AGO2: variants seen among roughly 807,000 people sequenced by gnomAD.
AGO2 encodes protein argonaute-2.
AGO2 carries 5 observed loss-of-function variants against 102.3 expected under a neutral mutation model. The ratio of observed to expected loss-of-function variants is 0.05; its 90% CI spans 0.03 to 0.10. The LOEUF is 0.10. Among genes scored for constraint, AGO2 ranks in the 10% least tolerant of loss-of-function variants. The probability of loss-of-function intolerance (pLI) is 1.00; values close to 1 mark genes in which losing one functional copy is unlikely to be tolerated. For synonymous variants in AGO2, 449 were observed against 473.1 expected (o/e 0.95, Z 0.66); for missense variants, 541 against 1,183.7 (o/e 0.46, Z 7.97).
In AGO2 at chr8:140,549,217, C is replaced by T. The variant is rs749083408; in HGVS notation, c.1485G>A (p.Ala495=). The change falls in exon 12 of 19, where the codon GCG becomes GCA. Residue 495 remains alanine (A), a synonymous_variant. Transcript: ENST00000220592. ...TGGGCTCCACGCTGTCCGCCCCCTG[C>T]GCGTATTTGCAGAAGCACGGCTGGC... The part of the protein sequence containing the change: ...IQGQPCFCKY[A]QGADSVEPMF... The T allele has an allele frequency of 3.5e-5, 57 of 1,613,526 alleles. No homozygotes were observed. Among genetic ancestry groups the T allele is most frequent in the South Asian group, 4.4e-5 (4 of 91,082 alleles).
At chr8:140,547,318 G>A (rs1293333137) in intron 13 of AGO2, 150 bp downstream of exon 13, 24 of 1,014,132 alleles carry the variant, frequency 2.4e-5, no homozygotes, top group Middle Eastern at 6.3e-4. Context: ...CCAGATCTAT[G>A]TCTGACATCT....
chr8:140,549,398 A>G (rs894469544), intron 11 of AGO2, 100 bp from the exon 12 acceptor site: 1 of 1,260,232 alleles, frequency 7.9e-7, no homozygotes, highest in African/African-American at 1.5e-5. Flanking sequence ...TACAAAGCCC[A>G]AAGCACTTTC....
At chr8:140,599,170 C>T (rs866876497) in intron 1 of AGO2, among the ~76,000 whole-genome samples, 6 of 152,324 alleles carry the variant, frequency 3.9e-5, no homozygotes, top group South Asian at 4.1e-4. Context: ...AAAGCAGAAT[C>T]GTCACCACAT....
chr8:140,562,344 C>A (rs886205989), intron 4 of AGO2, 109 bp downstream of exon 4: 13 of 1,364,894 alleles, frequency 9.5e-6, no homozygotes, highest in Middle Eastern at 5.4e-4. Flanking sequence ...TGACCACTCC[C>A]ACCCTGGATC....
At chr8:140,610,998 C>T (rs988651435) in intron 1 of AGO2, among the ~76,000 whole-genome samples, 9 of 152,218 alleles carry the variant, frequency 5.9e-5, no homozygotes, top group Admixed American at 1.3e-4. Flanking sequence ...AGTAGACACG[C>T]GCGCATGCAG....
intron 1 of AGO2, among the ~76,000 whole-genome samples, chr8:140,611,077 G>A (rs1471442384): frequency 2.0e-5 from 3 of 152,166 alleles, no homozygotes; most frequent in African/African-American, 7.2e-5. Flanking sequence ...AGTGTGGTCC[G>A]GGGAGCTTCA....
At chr8:140,566,681 G>A (rs905906673) in intron 3 of AGO2, among the ~76,000 whole-genome samples, 5 of 150,806 alleles carry the variant, frequency 3.3e-5, no homozygotes, top group Admixed American at 1.3e-4. Context: ...TGACTGAGGC[G>A]CCCCGGGCCA....
At chr8:140,612,207 C>A (rs184317068) in intron 1 of AGO2, among the ~76,000 whole-genome samples, 1 of 123,160 alleles carries the variant, frequency 8.1e-6, no homozygotes, top group Non-Finnish European at 1.6e-5. Flanking sequence ...TGGCCAAGAG[C>A]GAGACTCTGT....
At position 140,558,544 on chromosome 8, in the gene AGO2, C is replaced by A. The variant is rs778368719; in HGVS notation, c.819G>T (p.Gly273=). ...KGLKVEITHC[G]QMKRKYRVCN... ...AGACGCGGTACTTCCTCTTCATCTG[C>A]CCACAGTGCGTTATCTCCACCTTTA... Residue 273 remains glycine (G), a synonymous_variant, in exon 7 of 19, where the codon GGG becomes GGT. Transcript: ENST00000220592. 1 of 1,614,214 alleles carries A rather than the reference C, an allele frequency of 6.2e-7. No individual in the cohort carries two copies. The highest frequency in any genetic ancestry group is 1.7e-5 in the Admixed American group (1 of 60,018).
intron 2 of AGO2, among the ~76,000 whole-genome samples, chr8:140,580,799 G>A (rs1050266752): frequency 6.6e-6 from 1 of 152,228 alleles, no homozygotes; most frequent in African/African-American, 2.4e-5. Flanking sequence ...TTGAGATAGG[G>A]CCTAAAGGTT....
chr8:140,602,826 G>A (rs1197858682), intron 1 of AGO2, among the ~76,000 whole-genome samples: 1 of 152,160 alleles, frequency 6.6e-6, no homozygotes, highest in Non-Finnish European at 1.5e-5. Context: ...GTAAATTGCT[G>A]AAAATCAAGC....
chr8:140,607,526 A>C, intron 1 of AGO2, among the ~76,000 whole-genome samples: 1 of 141,676 alleles, frequency 7.1e-6, no homozygotes, highest in Non-Finnish European at 1.5e-5. Flanking sequence ...ACACACACAC[A>C]CACGTATGGA....
At chr8:140,577,674 G>A (rs998397238) in intron 2 of AGO2, among the ~76,000 whole-genome samples, 6 of 152,184 alleles carry the variant, frequency 3.9e-5, no homozygotes, top group Non-Finnish European at 2.9e-5. Context: ...CCAGAGCCCA[G>A]AAACAGGCCC....
rs2073712533 is a variant in AGO2, at chr8:140,589,335, G to A, written c.23-4024C>T. On this transcript the variant is annotated intron_variant, in intron 1 of 18. Coordinates refer to ENST00000220592, the MANE Select transcript of AGO2 (RefSeq NM_012154.5). The surrounding 1 kb of genome is among the most constrained non-coding windows in gnomAD (Gnocchi z 4.2). ...ATGAATAGCCCAGCTCTTCCGTGAAGCCGCTTTGGCTACCGGCGGGTGAAC... is the reference window on the plus strand; with the variant it reads ...ATGAATAGCCCAGCTCTTCCGTGAAACCGCTTTGGCTACCGGCGGGTGAAC... Among the ~76,000 whole-genome samples the A allele has an allele frequency of 2.0e-5, 3 of 152,180 alleles. No individual in the cohort carries two copies. In the South Asian group the frequency reaches 6.2e-4, roughly 31 times the overall value.
At chr8:140,534,452 G>C (rs1230071409) in intron 17 of AGO2, among the ~76,000 whole-genome samples, 7 of 152,140 alleles carry the variant, frequency 4.6e-5, no homozygotes, top group Non-Finnish European at 8.8e-5. Context: ...CCAACACTGG[G>C]ACAGGCACTT....
Position 140,549,099 on chromosome 8 carries a change from A to T in AGO2, c.1588+15T>A. The T allele has an allele frequency of 6.3e-7, 1 of 1,580,756 alleles. No individual in the cohort carries two copies. Among genetic ancestry groups the T allele is most frequent in the South Asian group, 1.1e-5 (1 of 89,012 alleles). ...ACGACGGCTCCCCACAGCCAGCGGG[A>T]GCGCCCACACCTACCGTACACGGGC... is the stretch of plus-strand genomic sequence containing the variant. On this transcript the variant is annotated intron_variant, in intron 12 of 18. Transcript: ENST00000220592.
Position 140,551,430 on chromosome 8 carries a change from C to T in AGO2, c.1276G>A (p.Ala426Thr), listed in dbSNP as rs1177813535. The change falls in exon 11 of 19, where the codon GCT becomes ACT. Residue 426 changes from alanine to threonine, a missense_variant. By Grantham distance (58) the Ala-to-Thr change is moderately conservative. Coordinates refer to ENST00000220592, the MANE Select transcript of AGO2 (RefSeq NM_012154.5). The part of the protein sequence containing the change: ...PSILYGGRNK[A>T]IATPVQGVWD... ...ACGCCCTGGACAGGGGTCGCAATAGCTTTATTCTGCAAATGGCAAAAGGTT... is the reference window on the plus strand; with the variant it reads ...ACGCCCTGGACAGGGGTCGCAATAGTTTTATTCTGCAAATGGCAAAAGGTT... The T allele has an allele frequency of 6.4e-7, 1 of 1,560,020 alleles. No individual in the cohort carries two copies. The highest frequency in any genetic ancestry group is 8.7e-7 in the Non-Finnish European group (1 of 1,146,634).
intron 2 of AGO2, among the ~76,000 whole-genome samples, chr8:140,580,173 G>A (rs188619328): frequency 7.0e-4 from 107 of 152,374 alleles, no homozygotes; most frequent in African/African-American, 2.4e-3. Context: ...ACAGCTGTAC[G>A]GGACGCTCCT....
intron 13 of AGO2, among the ~76,000 whole-genome samples, chr8:140,546,267 T>C (rs2132893580): frequency 6.6e-6 from 1 of 152,326 alleles, no homozygotes; most frequent in African/African-American, 2.4e-5. Flanking sequence ...CCCTGATGAA[T>C]TCAACGGACT....
Sources: gnomAD v4.1 joint callset for allele counts (sites outside exome capture counted in the v4.1 genomes callset) on GRCh38, gnomAD v4.1.1 for gene constraint, Gnocchi (gnomAD v3.1) non-coding constraint, MANE v1.5 for transcripts, NCBI Gene and HGNC (gene_info 2026-07-23, HGNC 2026-07-21) for gene names.